CDC25C: variants seen among roughly 807,000 people sequenced by gnomAD.
CDC25C encodes the protein M-phase inducer phosphatase 3.
In CDC25C, 48 loss-of-function variants were observed where a neutral mutation model predicts 52.5. The ratio of observed to expected loss-of-function variants is 0.91; its 90% CI spans 0.72 to 1.16. The LOEUF (loss-of-function observed/expected upper bound fraction) is 1.16. CDC25C is among the 50% of genes most tolerant of loss of function. CDC25C has a pLI of 0.00. For missense variants in CDC25C, 510 were observed against 566.1 expected (o/e 0.90, Z 1.01); for synonymous variants, 187 against 206.5 (o/e 0.91, Z 0.81).
At chr5:138,291,388 G>A (rs1417363235) in intron 8 of CDC25C, among the ~76,000 whole-genome samples, 1 of 151,152 alleles carries the variant, frequency 6.6e-6, no homozygotes, top group Non-Finnish European at 1.5e-5. Context: ...AAGAAAAAGG[G>A]TTGGGAAGAC....
intron 13 of CDC25C, 27 bp from the exon 14 acceptor site, chr5:138,285,868 A>G: frequency 6.2e-7 from 1 of 1,612,558 alleles, no homozygotes; most frequent in East Asian, 2.2e-5. Context: ...AGAGTAAGGG[A>G]TTCTCTAGAC....
chr5:138,331,264 G>A (rs1258640274), intron 1 of CDC25C, 46 bp from the exon 2 acceptor site: 1 of 1,316,582 alleles, frequency 7.6e-7, no homozygotes, highest in Admixed American at 1.8e-5. Context: ...AGTTCCCTCA[G>A]CTTTCCTAAA....
chr5:138,318,468 C>T (rs1248670655), intron 7 of CDC25C, among the ~76,000 whole-genome samples: 2 of 152,130 alleles, frequency 1.3e-5, no homozygotes, highest in Non-Finnish European at 2.9e-5. Flanking sequence ...AATCCCAGCA[C>T]TTTGGAAGCC....
intron 7 of CDC25C, 122 bp downstream of exon 7, chr5:138,319,097 G>T: frequency 1.3e-6 from 1 of 796,950 alleles, no homozygotes; most frequent in Non-Finnish European, 2.0e-6. Flanking sequence ...TATGAGGGTT[G>T]CTGGATTCAC....
chr5:138,305,879 T>C (rs978541507), intron 7 of CDC25C, among the ~76,000 whole-genome samples: 12 of 152,188 alleles, frequency 7.9e-5, no homozygotes, highest in African/African-American at 2.7e-4. Flanking sequence ...TGCCTGGGAT[T>C]TTCAACCTTA....
At chr5:138,314,887 C>A (rs1758756545) in intron 7 of CDC25C, among the ~76,000 whole-genome samples, 1 of 144,930 alleles carries the variant, frequency 6.9e-6, no homozygotes, top group Non-Finnish European at 1.5e-5. Context: ...TCCTAAAGTG[C>A]TGGGATTACA....
chr5:138,320,845 G>C lies in CDC25C; in HGVS notation c.460-1471C>G, dbSNP rs552810911. ...GCATAAGAATCACCTGAACCTGGGA[G>C]ATAAAGGTTGCAGTGAGTCAAGATT... On this transcript the variant is annotated intron_variant, in intron 6 of 13. Transcript: ENST00000323760. Among the ~76,000 whole-genome samples the C allele has an allele frequency of 3.3e-4, 45 of 137,774 alleles. No individual in the cohort carries two copies. In the South Asian group the frequency reaches 8.5e-3, roughly 26 times the overall value. 90.4% of individuals were successfully genotyped at this position (137,774 alleles called of 152,430 possible). A position where few individuals can be genotyped will look rare whatever the true frequency, so the allele number is the denominator to read the frequency against.
chr5:138,301,111 T>A (rs116421806), intron 7 of CDC25C, among the ~76,000 whole-genome samples: 1 of 151,766 alleles, frequency 6.6e-6, no homozygotes, highest in African/African-American at 2.4e-5. Context: ...AAGATTAGAG[T>A]GCAAAATCAA....
intron 7 of CDC25C, among the ~76,000 whole-genome samples, chr5:138,316,988 C>A (rs1490694070): frequency 6.6e-6 from 1 of 152,060 alleles, no homozygotes; most frequent in African/African-American, 2.4e-5. Context: ...GGTTTCTGGC[C>A]AGAAAAGCAA....
chr5:138,306,312 G>A (rs959404595), intron 7 of CDC25C, among the ~76,000 whole-genome samples: 1 of 151,934 alleles, frequency 6.6e-6, no homozygotes, highest in African/African-American at 2.4e-5. Context: ...AGTCTGTTTT[G>A]TTCACCATCG....
chr5:138,313,963 TTTTCTTTCTTTC>T (rs55833555), intron 7 of CDC25C, among the ~76,000 whole-genome samples: 43 of 106,394 alleles, frequency 4.0e-4, no homozygotes, highest in African/African-American at 8.8e-4. Flanking sequence ...CTATGTCCCT[TTTTCTTTCTTTC>T]TTTCTTTCTT....
chr5:138,292,647 C>G (rs1756846188), intron 7 of CDC25C, among the ~76,000 whole-genome samples: 1 of 151,980 alleles, frequency 6.6e-6, no homozygotes, highest in Admixed American at 6.6e-5. Flanking sequence ...AATCAAATAG[C>G]ATGCTGACCA....
chr5:138,320,457 T>C (rs1254124312), intron 6 of CDC25C, among the ~76,000 whole-genome samples: 1 of 152,120 alleles, frequency 6.6e-6, no homozygotes. Context: ...AAATATGATA[T>C]ATACATACAA....
Position 138,320,915 on chromosome 5 carries a change from C to CA in CDC25C, c.460-1542dup, listed in dbSNP as rs57923567. Among the ~76,000 whole-genome samples the CA allele has an allele frequency of 3.1e-4, 13 of 42,250 alleles. 2 individuals carry two copies. The highest frequency in any genetic ancestry group is 4.2e-4 in the Admixed American group (1 of 2,356). 27.7% of individuals were successfully genotyped at this position (42,250 alleles called of 152,430 possible). ...TGGGTGACAGAGTGAGACTCTGTCT[C>CA]AAAAAAAAAAAAAAAAAAAAAAAAA... On this transcript the variant is annotated intron_variant, in intron 6 of 13. Coordinates refer to ENST00000323760, the MANE Select transcript of CDC25C (RefSeq NM_001790.5).
Position 138,286,004 on chromosome 5 carries a change from G to A in CDC25C, c.1272+18C>T, listed in dbSNP as rs374500419. ...TTGAGTTGTTAAAGTTTGGCTCCCC[G>A]CATGCCCCACCCTTTACCATATATT... On this transcript the variant is annotated intron_variant, in intron 13 of 13. Coordinates refer to ENST00000323760, the MANE Select transcript of CDC25C (RefSeq NM_001790.5). The A allele has an allele frequency of 2.6e-5, 42 of 1,589,536 alleles. 1 individual carries two copies. In the Middle Eastern group the frequency reaches 5.0e-4, roughly 19 times the overall value.
chr5:138,325,446 T>A (rs1759773399), intron 6 of CDC25C, among the ~76,000 whole-genome samples: 1 of 152,066 alleles, frequency 6.6e-6, no homozygotes, highest in Non-Finnish European at 1.5e-5. Context: ...CACTTGCATG[T>A]AAAGTGGTAA....
chr5:138,307,490 C>CAAAAAAAAAAATAAAA (rs1758097526), intron 7 of CDC25C, among the ~76,000 whole-genome samples: 1 of 88,248 alleles, frequency 1.1e-5, no homozygotes, highest in African/African-American at 4.6e-5. Flanking sequence ...GAGACTGCCA[C>CAAAAAAAAAAATAAAA]AAAAAAAAAA....
upstream of CDC25C, among the ~76,000 whole-genome samples, chr5:138,332,359 TTTATGCTGAGAGGC>T (rs1188111688): frequency 6.6e-6 from 1 of 152,124 alleles, no homozygotes; most frequent in Non-Finnish European, 1.5e-5. Context: ...GGTGTGTGTG[TTTATGCTGAGAGGC>T]ATTAGCCCCT....
chr5:138,312,131 A>C (rs1276224508), intron 7 of CDC25C, among the ~76,000 whole-genome samples: 1 of 152,226 alleles, frequency 6.6e-6, no homozygotes, highest in East Asian at 1.9e-4. Context: ...CTATGAAAAC[A>C]GTATGAGAGT....
Sources: gnomAD v4.1 joint callset for allele counts (sites outside exome capture counted in the v4.1 genomes callset) on GRCh38, gnomAD v4.1.1 for gene constraint, MANE v1.5 for transcripts, NCBI Gene and HGNC (gene_info 2026-07-23, HGNC 2026-07-21) for gene names.